The following RGPD2 variants were observed in gnomAD, a reference collection of about 807,000 sequenced individuals.
RGPD2 encodes the protein RANBP2 like and GRIP domain containing 2, also known as RANBP2-like and GRIP domain-containing protein 2.
RGPD2 carries 2 observed loss-of-function variants against 36.0 expected under a neutral mutation model. That is an observed-to-expected ratio of 0.06 (90% CI 0.02 to 0.17). The LOEUF (loss-of-function observed/expected upper bound fraction) is 0.17, where lower values mean the gene tolerates loss of function less well. Ranked by LOEUF, RGPD2 falls within the 10% of genes least tolerant of loss-of-function variation. The probability of loss-of-function intolerance (pLI) is 1.00; values close to 1 mark genes in which losing one functional copy is unlikely to be tolerated. For missense variants in RGPD2, 40 were observed against 464.3 expected (o/e 0.09, Z 8.40); for synonymous variants, 19 against 163.8 (o/e 0.12, Z 6.75).
chr2:87,912,080 A>G, the RGPD2 span, among the ~76,000 whole-genome samples: 1 of 151,628 alleles, frequency 6.6e-6, no homozygotes, highest in Non-Finnish European at 1.5e-5. Flanking sequence ...TTAGCTCTGA[A>G]TTGTTTCCAC....
chr2:87,842,237 G>A, the RGPD2 span, among the ~76,000 whole-genome samples: 3 of 151,052 alleles, frequency 2.0e-5, no homozygotes, highest in African/African-American at 7.4e-5. Context: ...AGGAAATAAA[G>A]GGTATTCAAT....
chr2:87,937,525 G>A, the RGPD2 span, among the ~76,000 whole-genome samples: 3 of 151,804 alleles, frequency 2.0e-5, no homozygotes, highest in Non-Finnish European at 2.9e-5. Context: ...GAGTAGGCAT[G>A]TCACATGATG....
the RGPD2 span, among the ~76,000 whole-genome samples, chr2:87,932,732 A>G: frequency 6.6e-6 from 1 of 151,946 alleles, no homozygotes; most frequent in Non-Finnish European, 1.5e-5. Context: ...CCAGATATAA[A>G]ATTCTGGGTT....
chr2:87,915,582 G>GTA, the RGPD2 span, among the ~76,000 whole-genome samples: 1 of 140,536 alleles, frequency 7.1e-6, no homozygotes, highest in East Asian at 2.0e-4. Flanking sequence ...ATATGTGTGT[G>GTA]TATATACACA....
At chr2:87,971,404 A>C in the RGPD2 span, among the ~76,000 whole-genome samples, 1 of 93,010 alleles carries the variant, frequency 1.1e-5, no homozygotes, top group South Asian at 3.8e-4. Flanking sequence ...TGAATATATT[A>C]TTATCTTCTC....
the RGPD2 span, among the ~76,000 whole-genome samples, chr2:87,922,219 G>A: frequency 2.7e-5 from 4 of 148,940 alleles, no homozygotes; most frequent in Non-Finnish European, 5.9e-5. Context: ...CTTGAACCCG[G>A]GAGGCGGAGG....
upstream of RGPD2, among the ~76,000 whole-genome samples, chr2:87,830,545 A>G (rs13402722): frequency 0.041 from 5,748 of 138,760 alleles, 340 homozygotes; most frequent in African/African-American, 0.14. Flanking sequence ...CACATTTTTC[A>G]GTATCTTAAT....
chr2:87,824,366 T>C (rs1332087193), intron 1 of RGPD2, among the ~76,000 whole-genome samples: 3 of 151,942 alleles, frequency 2.0e-5, no homozygotes, highest in Non-Finnish European at 4.4e-5. Context: ...AATGGAAGAC[T>C]AGAAAGATAT....
chr2:87,923,550 C>G, the RGPD2 span, among the ~76,000 whole-genome samples: 1 of 152,074 alleles, frequency 6.6e-6, no homozygotes, highest in East Asian at 1.9e-4. Context: ...CTGGAAAATA[C>G]AGCAGAAATT....
chr2:87,958,183 A>G, the RGPD2 span, among the ~76,000 whole-genome samples: 1 of 152,132 alleles, frequency 6.6e-6, no homozygotes, highest in South Asian at 2.1e-4. Flanking sequence ...CTCATGTTAC[A>G]TAGTGGAGAA....
chr2:87,863,855 G>A, the RGPD2 span, among the ~76,000 whole-genome samples: 9 of 151,938 alleles, frequency 5.9e-5, no homozygotes, highest in African/African-American at 1.2e-4. Context: ...TTTAAGTTAC[G>A]GGATGTCAGG....
intron 20 of RGPD2, among the ~76,000 whole-genome samples, chr2:87,781,645 AG>A (rs1349010640): frequency 6.6e-6 from 1 of 151,002 alleles, no homozygotes; most frequent in East Asian, 2.0e-4. Context: ...TATTTTCAGT[AG>A]AAACAGGGTT....
the RGPD2 span, among the ~76,000 whole-genome samples, chr2:87,919,650 TTATATC>T: frequency 6.9e-6 from 1 of 144,692 alleles, no homozygotes; most frequent in East Asian, 2.0e-4. Flanking sequence ...AAGATATACT[TTATATC>T]TGTTTTGTTT....
chr2:87,945,599 CT>C, the RGPD2 span, among the ~76,000 whole-genome samples: 1 of 143,190 alleles, frequency 7.0e-6, no homozygotes, highest in Non-Finnish European at 1.5e-5. Context: ...TAGAAAATAA[CT>C]GAATATAATT....
intron 1 of RGPD2, among the ~76,000 whole-genome samples, 196 bp downstream of exon 1, chr2:87,825,459 CGAG>C (rs1686701834): frequency 2.4e-5 from 3 of 123,648 alleles, no homozygotes; most frequent in Non-Finnish European, 5.4e-5. Flanking sequence ...AGGCCGAGGC[CGAG>C]GCCGAGGCCG....
the RGPD2 span, chr2:87,986,004 T>C: frequency 4.7e-6 from 4 of 849,054 alleles, no homozygotes; most frequent in African/African-American, 1.7e-5. Flanking sequence ...ACTTCTACTA[T>C]GTAAAGGCCA....
chr2:87,761,010 TC>T (rs1199929353), intron 22 of RGPD2, among the ~76,000 whole-genome samples: 1 of 125,204 alleles, frequency 8.0e-6, no homozygotes, highest in African/African-American at 2.9e-5. Context: ...TTCTGTTTTT[TC>T]TTTTTCATTC....
the RGPD2 span, among the ~76,000 whole-genome samples, chr2:87,947,721 A>G: frequency 6.6e-6 from 1 of 152,172 alleles, no homozygotes; most frequent in African/African-American, 2.4e-5. Context: ...AAGTCCTGTG[A>G]GATCTTGTCT....
chr2:87,973,548 C>T, the RGPD2 span, among the ~76,000 whole-genome samples: 3 of 140,874 alleles, frequency 2.1e-5, no homozygotes, highest in Non-Finnish European at 3.2e-5. Context: ...CCTTGCGTTC[C>T]TTTTGGCCCC....
Sources: gnomAD v4.1 joint callset for allele counts (sites outside exome capture counted in the v4.1 genomes callset) on GRCh38, gnomAD v4.1.1 for gene constraint, MANE v1.5 for transcripts, NCBI Gene and HGNC (gene_info 2026-07-23, HGNC 2026-07-21) for gene names.